CSMD1: variants seen among roughly 807,000 people sequenced by gnomAD.
CSMD1 encodes CUB and sushi domain-containing protein 1.
CSMD1 carries 213 observed loss-of-function variants against 417.5 expected under a neutral mutation model. That is an observed-to-expected ratio of 0.51 (90% CI 0.46 to 0.57). CSMD1 has a LOEUF of 0.57. CSMD1 is among the 20% of genes least tolerant of loss of function. CSMD1 has a pLI of 0.00. For missense variants in CSMD1, 6,923 were observed against 4,529.7 expected, an observed-to-expected ratio of 1.53 and a Z score of -15.17; for synonymous variants, 2,862 against 1,736.8, an observed-to-expected ratio of 1.65 and a Z score of -16.11.
chr8:4,201,453 G>T (rs968311576), intron 3 of CSMD1, among the ~76,000 whole-genome samples: 2 of 146,568 alleles, frequency 1.4e-5, no homozygotes, highest in Non-Finnish European at 1.5e-5. Context: ...CAGGAGAATG[G>T]CATGAACACG....
intron 4 of CSMD1, among the ~76,000 whole-genome samples, chr8:4,007,715 C>T (rs1175749608): frequency 6.6e-6 from 1 of 151,780 alleles, no homozygotes; most frequent in African/African-American, 2.4e-5. Flanking sequence ...AATTGAATGA[C>T]TCTGGCTTTC....
intron 1 of CSMD1, among the ~76,000 whole-genome samples, chr8:4,705,890 TG>T (rs1807907322): frequency 6.6e-6 from 1 of 152,162 alleles, no homozygotes; most frequent in Non-Finnish European, 1.5e-5. Flanking sequence ...ATTTGACTAT[TG>T]GAAAAATAGT....
At chr8:3,648,926 A>G (rs1460484837) in intron 7 of CSMD1, among the ~76,000 whole-genome samples, 1 of 151,142 alleles carries the variant, frequency 6.6e-6, no homozygotes, top group African/African-American at 2.4e-5. Context: ...AACAACAGCT[A>G]TTTTTTTTTC....
chr8:3,632,955 A>C (rs892119950), intron 7 of CSMD1, among the ~76,000 whole-genome samples: 6 of 152,368 alleles, frequency 3.9e-5, no homozygotes, highest in Admixed American at 3.3e-4. Context: ...AGTATAAATT[A>C]CACTTTAATA....
intron 1 of CSMD1, among the ~76,000 whole-genome samples, chr8:4,950,610 CAA>C (rs1336675666): frequency 2.6e-5 from 4 of 152,056 alleles, no homozygotes; most frequent in African/African-American, 4.8e-5. Flanking sequence ...AAGGAAAAAG[CAA>C]AGTTACTTTT....
chr8:3,414,594 C>G (rs976305662), intron 12 of CSMD1, among the ~76,000 whole-genome samples: 1 of 152,102 alleles, frequency 6.6e-6, no homozygotes, highest in Non-Finnish European at 1.5e-5. Context: ...TAAGGATAAC[C>G]GTACCTTGCT....
intron 53 of CSMD1, among the ~76,000 whole-genome samples, chr8:2,998,509 A>C (rs999646936): frequency 6.6e-6 from 1 of 152,230 alleles, no homozygotes; most frequent in Non-Finnish European, 1.5e-5. Context: ...AAAACAAGAG[A>C]TGCTAAAAAT....
At chr8:4,713,593 G>C (rs1295418332) in intron 1 of CSMD1, among the ~76,000 whole-genome samples, 1 of 151,998 alleles carries the variant, frequency 6.6e-6, no homozygotes, top group South Asian at 2.1e-4. Flanking sequence ...TAGAGACGGG[G>C]TTTCACCATA....
At chr8:4,836,585 G>T (rs917897474) in intron 1 of CSMD1, among the ~76,000 whole-genome samples, 1 of 152,160 alleles carries the variant, frequency 6.6e-6, no homozygotes, top group African/African-American at 2.4e-5. Flanking sequence ...AATAAGTTTT[G>T]ATTAGTATGC....
chr8:3,305,359 T>TA (rs1804749976), intron 25 of CSMD1, among the ~76,000 whole-genome samples: 1 of 152,246 alleles, frequency 6.6e-6, no homozygotes, highest in Admixed American at 6.5e-5. Context: ...TGCTATGGTT[T>TA]TACTGTCTCC....
At chr8:4,950,899 T>C (rs1033224690) in intron 1 of CSMD1, among the ~76,000 whole-genome samples, 2 of 152,080 alleles carry the variant, frequency 1.3e-5, no homozygotes, top group African/African-American at 4.8e-5. Context: ...CAAACAAATG[T>C]ACTTGTTTAA....
At chr8:4,690,821 C>A (rs537967009) in intron 1 of CSMD1, among the ~76,000 whole-genome samples, 52 of 152,162 alleles carry the variant, frequency 3.4e-4, no homozygotes, top group African/African-American at 1.2e-3. Flanking sequence ...CTCTTCCTGC[C>A]GGGTTCAAGC....
chr8:4,271,881 C>T (rs192614933), intron 3 of CSMD1, among the ~76,000 whole-genome samples: 2 of 152,300 alleles, frequency 1.3e-5, no homozygotes, highest in Admixed American at 6.5e-5. Flanking sequence ...ATACAGTCCT[C>T]CCTTGGTGTC....
At chr8:3,332,441 G>C (rs1398941203) in intron 23 of CSMD1, among the ~76,000 whole-genome samples, 2 of 152,242 alleles carry the variant, frequency 1.3e-5, no homozygotes, top group Non-Finnish European at 2.9e-5. Flanking sequence ...GGCCTGGAAG[G>C]CCAACCGGAG....
At chr8:4,931,218 C>T (rs1343691067) in intron 1 of CSMD1, among the ~76,000 whole-genome samples, 2 of 152,112 alleles carry the variant, frequency 1.3e-5, no homozygotes, top group Non-Finnish European at 1.5e-5. Flanking sequence ...ACTCACTCCC[C>T]TTTTTTTAGA....
rs541817691 is a variant in CSMD1 at position 2,938,227 on chromosome 8, G to A, written c.*358C>T. 4.1e-5 allele frequency: 8 copies of A among 193,842 alleles called. No homozygotes were observed. The highest frequency in any genetic ancestry group is 1.8e-4 in the Admixed American group (3 of 16,696). The allele number at this position is 193,842 out of a possible 1,614,324, so 12.0% of individuals were successfully genotyped here. ...CACCGCACCTGAGGGACATATCCAC[G>A]AGCCCAGACGATTGCATTGAAAGGC... On this transcript the variant is annotated 3_prime_UTR_variant, in exon 70 of 70. Coordinates refer to ENST00000635120, the MANE Select transcript of CSMD1 (RefSeq NM_033225.6).
intron 10 of CSMD1, among the ~76,000 whole-genome samples, chr8:3,506,647 T>A (rs1223820324): frequency 6.6e-6 from 1 of 152,206 alleles, no homozygotes; most frequent in Non-Finnish European, 1.5e-5. Context: ...AACTTACATC[T>A]GCATATTCAG....
chr8:3,005,970 G>C (rs1458737747), intron 52 of CSMD1, among the ~76,000 whole-genome samples: 1 of 152,138 alleles, frequency 6.6e-6, no homozygotes, highest in Non-Finnish European at 1.5e-5. Flanking sequence ...TAGGAAAAGA[G>C]GAAGTCAAAT....
intron 3 of CSMD1, among the ~76,000 whole-genome samples, chr8:4,053,598 C>G (rs547628390): frequency 6.6e-6 from 1 of 152,166 alleles, no homozygotes; most frequent in Non-Finnish European, 1.5e-5. Context: ...TTAGCAACCT[C>G]TGATCTCCTT....
Sources: allele counts gnomAD v4.1 joint callset (sites outside exome capture counted in the v4.1 genomes callset), GRCh38; gene constraint gnomAD v4.1.1; transcripts MANE v1.5; gene names NCBI Gene and HGNC (gene_info 2026-07-23, HGNC 2026-07-21).